Variants in DMD observed in about 807,000 individuals in gnomAD.
DMD encodes mutant dystrophin.
A neutral mutation model predicts 330.1 loss-of-function variants in DMD; 63 were observed. The observed-to-expected ratio is 0.19, with a 90% confidence interval of 0.16 to 0.24. DMD has a LOEUF of 0.24. DMD is among the 10% of genes least tolerant of loss of function. The probability of loss-of-function intolerance (pLI) is 1.00; values close to 1 mark genes in which losing one functional copy is unlikely to be tolerated. For missense variants in DMD, 3,344 were observed against 2,684.1 expected (o/e 1.25, Z -5.43); for synonymous variants, 1,223 against 959.8 (o/e 1.27, Z -5.07).
chrX:31,548,873 A>G (rs918454556), intron 55 of DMD, among the ~76,000 whole-genome samples: 7 of 111,132 alleles, frequency 6.3e-5, no homozygotes, highest in African/African-American at 9.8e-5. Flanking sequence ...TTTAAATAGA[A>G]GGACTAGGGC....
intron 54 of DMD, among the ~76,000 whole-genome samples, chrX:31,648,456 G>T (rs1218880496): frequency 9.4e-6 from 1 of 106,657 alleles, no homozygotes; most frequent in Non-Finnish European, 1.9e-5. Context: ...AGGGCTTTTG[G>T]GGCCTGGGCT....
chrX:33,292,521 C>T (rs1050258408), intron 1 of DMD, among the ~76,000 whole-genome samples: 3 of 110,165 alleles, frequency 2.7e-5, no homozygotes, highest in Non-Finnish European at 3.8e-5. Flanking sequence ...ATACAAATTA[C>T]GATGGGGTGC....
At chrX:31,659,639 GA>G (rs869195395) in intron 53 of DMD, among the ~76,000 whole-genome samples, 3,420 of 39,745 alleles carry the variant, frequency 0.086, 185 homozygotes, top group East Asian at 0.23. Flanking sequence ...CTCCATCTCG[GA>G]AAAAAAAAAA....
At chrX:32,040,940 T>C (rs369492985) in intron 44 of DMD, among the ~76,000 whole-genome samples, 3 of 111,068 alleles carry the variant, frequency 2.7e-5, no homozygotes, top group Non-Finnish European at 3.8e-5. Context: ...AAGATAACAA[T>C]GTATACAGAC....
intron 29 of DMD, among the ~76,000 whole-genome samples, chrX:32,418,641 A>G (rs2098175856): frequency 9.0e-6 from 1 of 111,211 alleles, no homozygotes; most frequent in African/African-American, 3.3e-5. Context: ...AGCATGCCAT[A>G]AAAGTATCAG....
At chrX:31,954,343 A>G (rs986678736) in intron 45 of DMD, among the ~76,000 whole-genome samples, 1 of 110,958 alleles carries the variant, frequency 9.0e-6, no homozygotes, top group African/African-American at 3.3e-5. Flanking sequence ...CAATCTTTCA[A>G]CCTCTGAAAC....
intron 1 of DMD, among the ~76,000 whole-genome samples, chrX:33,028,267 A>G (rs1427898163): frequency 2.7e-5 from 3 of 111,781 alleles, no homozygotes; most frequent in Non-Finnish European, 5.6e-5. Context: ...ATTATTAATT[A>G]TATGTGGAGT....
intron 30 of DMD, among the ~76,000 whole-genome samples, chrX:32,409,207 T>C (rs1419359301): frequency 9.0e-6 from 1 of 111,662 alleles, no homozygotes; most frequent in Non-Finnish European, 1.9e-5. Flanking sequence ...TTCAGATGGC[T>C]TGTATTCTCC....
intron 52 of DMD, among the ~76,000 whole-genome samples, chrX:31,716,551 C>CAACAAAACAAAACAA (rs751730837): frequency 0.013 from 1,347 of 107,556 alleles, 14 homozygotes; most frequent in African/African-American, 0.028. Context: ...AACTCCATCT[C>CAACAAAACAAAACAA]AACAAAACAA....
At chrX:31,374,635 A>G (rs2059787323) in intron 60 of DMD, among the ~76,000 whole-genome samples, 1 of 85,109 alleles carries the variant, frequency 1.2e-5, no homozygotes, top group African/African-American at 4.4e-5. Flanking sequence ...GAACACATGG[A>G]CACAGGAAGG....
intron 62 of DMD, among the ~76,000 whole-genome samples, chrX:31,273,228 A>G (rs1302645026): frequency 8.9e-6 from 1 of 112,076 alleles, no homozygotes; most frequent in African/African-American, 3.2e-5. Context: ...AACAATTCAC[A>G]ACCTAGTTTT....
intron 61 of DMD, among the ~76,000 whole-genome samples, chrX:31,344,605 T>C (rs772079010): frequency 9.0e-6 from 1 of 111,027 alleles, no homozygotes; most frequent in Non-Finnish European, 1.9e-5. Context: ...TCTCAACACT[T>C]TGGGAGGCCT....
chrX:31,419,979 C>A (rs949001657), intron 60 of DMD, among the ~76,000 whole-genome samples: 1 of 111,983 alleles, frequency 8.9e-6, no homozygotes, highest in African/African-American at 3.2e-5. Context: ...GGTATCCACT[C>A]ATATTTATTG....
At chrX:31,863,465 A>G (rs943699155) in intron 48 of DMD, among the ~76,000 whole-genome samples, 79 of 111,957 alleles carry the variant, frequency 7.1e-4, no homozygotes, top group African/African-American at 2.4e-3. Flanking sequence ...ATAAAAGCAC[A>G]CCTCTCTGAC....
intron 23 of DMD, among the ~76,000 whole-genome samples, chrX:32,466,210 C>T (rs187859689): frequency 1.8e-5 from 2 of 110,799 alleles, no homozygotes; most frequent in African/African-American, 6.6e-5. Flanking sequence ...TTATTAATCC[C>T]CATATATATT....
At chrX:32,248,516 G>A (rs2097251009) in intron 43 of DMD, among the ~76,000 whole-genome samples, 1 of 108,932 alleles carries the variant, frequency 9.2e-6, no homozygotes, top group South Asian at 3.8e-4. Flanking sequence ...AATATATGTT[G>A]TTACACACCT....
In DMD at chrX:32,448,381, T is replaced by G. The variant is rs144953956; in HGVS notation, c.3786+75A>C. 2,298 of 1,120,413 alleles carry G rather than the reference T, an allele frequency of 2.1e-3. 31 individuals carry two copies. The African/African-American group carries it at 0.036, about 18-fold the overall frequency. The allele number at this position is 1,120,413 out of a possible 1,213,427, so 92.3% of individuals were successfully genotyped here. A position where few individuals can be genotyped will look rare whatever the true frequency, so the allele number is the denominator to read the frequency against. On this transcript the variant is annotated intron_variant, in intron 27 of 78. Transcript: ENST00000357033. Reference sequence around the variant, plus strand: ...CAAAGTTGTTTTGCACTGGTATCCATGTTCTTAACCACTATGCCTCACATA... The same window carrying G: ...CAAAGTTGTTTTGCACTGGTATCCAGGTTCTTAACCACTATGCCTCACATA...
Position 32,614,371 on chromosome X carries a change from T to A in DMD, c.1414A>T (p.Arg472Trp). The stretch of plus-strand genomic sequence containing the variant: ...CCAAGAGGCTCTTCCTCCATTTTCC[T>A]TGTTCTTTCTTCTGTTTTTGTTAGC... The part of the protein sequence containing the change: ...DWLTKTEERT[R>W]KMEEEPLGPD... The change falls in exon 12 of 79, where the codon AGG becomes TGG. Residue 472 changes from arginine to tryptophan, a missense_variant. Coordinates refer to ENST00000357033, the MANE Select transcript of DMD (RefSeq NM_004006.3). 1 of 1,208,239 alleles carries A rather than the reference T, an allele frequency of 8.3e-7. No homozygotes were observed. Among genetic ancestry groups the A allele is most frequent in the Non-Finnish European group, 1.1e-6 (1 of 893,289 alleles).
chrX:32,971,385 T>C (rs1209684188), intron 2 of DMD, among the ~76,000 whole-genome samples: 3 of 111,784 alleles, frequency 2.7e-5, no homozygotes, highest in Non-Finnish European at 3.8e-5. Flanking sequence ...TTTTTTTAAC[T>C]AAATACTTGG....
Sources: allele counts gnomAD v4.1 joint callset (sites outside exome capture counted in the v4.1 genomes callset), GRCh38; gene constraint gnomAD v4.1.1; transcripts MANE v1.5; gene names NCBI Gene and HGNC (gene_info 2026-07-23, HGNC 2026-07-21).